Variants in PC observed in about 807,000 individuals in gnomAD.
PC encodes pyruvate carboxylase, mitochondrial.
PC carries 46 observed loss-of-function variants against 107.8 expected under a neutral mutation model. The ratio of observed to expected loss-of-function variants is 0.43; its 90% CI spans 0.34 to 0.55. The LOEUF is 0.55. Ranked by LOEUF, PC falls within the 20% of genes least tolerant of loss-of-function variation. The pLI is 0.04. For missense variants in PC, 1,241 were observed against 1,643.1 expected, an observed-to-expected ratio of 0.76 and a Z score of 4.23; for synonymous variants, 662 against 684.7, an observed-to-expected ratio of 0.97 and a Z score of 0.52.
chr11:66,878,547 G>A (rs1565254727), intron 3 of PC, among the ~76,000 whole-genome samples: 1 of 152,200 alleles, frequency 6.6e-6, no homozygotes, highest in African/African-American at 2.4e-5. Flanking sequence ...CCCCTCGGCG[G>A]CCCCTCTCAC....
chr11:66,859,955 C>T, intron 12 of PC: 5 of 1,600,648 alleles, frequency 3.1e-6, no homozygotes, highest in Non-Finnish European at 4.3e-6. Context: ...TCAGCCACGT[C>T]CAGTCCCAGA....
At position 66,858,272 on chromosome 11, in the gene PC, G is replaced by C; in HGVS notation, c.1369-4889C>G. 2 of 1,612,162 alleles carry C rather than the reference G, an allele frequency of 1.2e-6. No individual in the cohort carries two copies. The highest frequency in any genetic ancestry group is 1.7e-6 in the Non-Finnish European group (2 of 1,179,924). ...TGCCTGCCCTGCACACCCTCAACCT[G>C]GACCATAACCTTATTGACGCACTGC... On this transcript the variant is annotated intron_variant, in intron 12 of 22. Coordinates refer to ENST00000393960, the MANE Select transcript of PC (RefSeq NM_001040716.2). This position sits in a 1 kb window ranked among gnomAD's most constrained non-coding sequence, Gnocchi z 5.9.
intron 3 of PC, among the ~76,000 whole-genome samples, chr11:66,938,501 C>T (rs1330667458): frequency 6.6e-6 from 1 of 151,936 alleles, no homozygotes; most frequent in Non-Finnish European, 1.5e-5. Context: ...AGTACTCGAC[C>T]GTAAGCCCCA....
intron 3 of PC, among the ~76,000 whole-genome samples, chr11:66,903,752 GAAAAAAA>G (rs1175402409): frequency 6.6e-5 from 5 of 76,188 alleles, no homozygotes; most frequent in Admixed American, 1.6e-4. Flanking sequence ...TCCATCTCAG[GAAAAAAA>G]AAAAAAAAAA....
Position 66,958,373 on chromosome 11 carries a change from T to C in PC, c.-279A>G, listed in dbSNP as rs1338006575. 1.3e-5 allele frequency: 2 copies of C among 152,624 alleles called. No individual in the cohort carries two copies. Among genetic ancestry groups the C allele is most frequent in the Non-Finnish European group, 2.9e-5 (2 of 68,344 alleles). The allele number at this position is 152,624 out of a possible 1,614,324, so 9.5% of individuals were successfully genotyped here. A position where few individuals can be genotyped will look rare whatever the true frequency, so the allele number is the denominator to read the frequency against. ...CCGCCTCTACCGCTGCTGCCTCCACTGACAGAGAACAGCTGCGGTCTCCGT... is the reference window on the plus strand; with the variant it reads ...CCGCCTCTACCGCTGCTGCCTCCACCGACAGAGAACAGCTGCGGTCTCCGT... On this transcript the variant is annotated 5_prime_UTR_variant, in exon 1 of 23. Coordinates refer to ENST00000393960, the MANE Select transcript of PC (RefSeq NM_001040716.2).
In PC at chr11:66,852,907, G is replaced by T; in HGVS notation, c.1514-71C>A. On this transcript the variant is annotated intron_variant, in intron 13 of 22. Transcript: ENST00000393960. The surrounding 1 kb of genome is among the most constrained non-coding windows in gnomAD (Gnocchi z 4.7). ...TGAGTCGAGGGCAGCAGTGAGAGTG[G>T]CTGGGCTCAGGGACAGGGACACATC... 8.5e-7 allele frequency: 1 copy of T among 1,178,450 alleles called. No individual in the cohort carries two copies. Among genetic ancestry groups the T allele is most frequent in the Non-Finnish European group, 1.2e-6 (1 of 827,320 alleles). The allele number at this position is 1,178,450 out of a possible 1,614,324, so 73.0% of individuals were successfully genotyped here. A position where few individuals can be genotyped will look rare whatever the true frequency, so the allele number is the denominator to read the frequency against.
intron 3 of PC, among the ~76,000 whole-genome samples, chr11:66,911,840 G>A: frequency 6.6e-6 from 1 of 152,042 alleles, no homozygotes. Context: ...AGACCAGCCT[G>A]ACCAATATAG....
chr11:66,880,631 C>T (rs1489938756), intron 3 of PC, among the ~76,000 whole-genome samples: 1 of 152,256 alleles, frequency 6.6e-6, no homozygotes, highest in Non-Finnish European at 1.5e-5. Flanking sequence ...GGCACATTCC[C>T]AGCAAGTGCC....
intron 3 of PC, among the ~76,000 whole-genome samples, chr11:66,943,303 G>A (rs1353007801): frequency 1.3e-5 from 2 of 151,882 alleles, no homozygotes; most frequent in African/African-American, 4.8e-5. Context: ...AGGGGTCACG[G>A]TCAAAAGGAG....
At chr11:66,874,918 G>A (rs1317516214) in intron 3 of PC, among the ~76,000 whole-genome samples, 2 of 152,188 alleles carry the variant, frequency 1.3e-5, no homozygotes, top group Admixed American at 6.5e-5. Context: ...CCTGGATGGG[G>A]AGAAGTCGGC....
chr11:66,953,837 G>A (rs1166501345), intron 2 of PC, among the ~76,000 whole-genome samples: 1 of 152,112 alleles, frequency 6.6e-6, no homozygotes, highest in African/African-American at 2.4e-5. Flanking sequence ...GTGTTACTCT[G>A]GGCGTTATTT....
At position 66,853,505 on chromosome 11, in the gene PC, T is replaced by C; in HGVS notation, c.1369-122A>G. The C allele has an allele frequency of 6.0e-6, 7 of 1,176,424 alleles. No individual in the cohort carries two copies. In the South Asian group the frequency reaches 7.4e-5, roughly 12 times the overall value. 72.9% of individuals were successfully genotyped at this position (1,176,424 alleles called of 1,614,324 possible). A position where few individuals can be genotyped will look rare whatever the true frequency, so the allele number is the denominator to read the frequency against. ...CCTGGGCCAGCACAGCTTCTGGGCC[T>C]CCCTGCAGAGGGGCACTTCCCCGTC... On this transcript the variant is annotated intron_variant, in intron 12 of 22. Transcript: ENST00000393960.
At chr11:66,851,406 G>C (rs1371744249) in intron 16 of PC, 126 bp from the exon 17 acceptor site, 5 of 1,410,966 alleles carry the variant, frequency 3.5e-6, no homozygotes, top group Middle Eastern at 1.9e-4. Context: ...GCCTGGCAGG[G>C]GGTGTGGCAT....
chr11:66,859,344 G>A (rs952165904), intron 12 of PC, among the ~76,000 whole-genome samples: 7 of 152,148 alleles, frequency 4.6e-5, no homozygotes, highest in Non-Finnish European at 7.4e-5. Flanking sequence ...AGGCCTCCCC[G>A]GCAGCAGGTG....
chr11:66,927,302 A>C (rs559628839), intron 3 of PC, among the ~76,000 whole-genome samples: 1 of 149,118 alleles, frequency 6.7e-6, no homozygotes, highest in Non-Finnish European at 1.5e-5. Context: ...ATGACTCTAG[A>C]GCTCGACTCC....
intron 3 of PC, among the ~76,000 whole-genome samples, chr11:66,885,827 C>T (rs1275656895): frequency 1.3e-5 from 2 of 152,154 alleles, no homozygotes; most frequent in Non-Finnish European, 1.5e-5. Context: ...AAGAAGTCAC[C>T]GTTGTTTTCA....
chr11:66,921,240 A>G (rs1168125365), intron 3 of PC, among the ~76,000 whole-genome samples: 4 of 152,158 alleles, frequency 2.6e-5, no homozygotes, highest in Non-Finnish European at 1.5e-5. Context: ...TGCTAAAAAC[A>G]CTTCTCCTTT....
intron 3 of PC, among the ~76,000 whole-genome samples, chr11:66,886,795 T>C (rs1947382082): frequency 6.6e-6 from 1 of 152,158 alleles, no homozygotes. Flanking sequence ...AACAGACAGC[T>C]AGACAGTGAG....
chr11:66,948,778 T>G (rs1427588196), intron 3 of PC, among the ~76,000 whole-genome samples: 1 of 151,998 alleles, frequency 6.6e-6, no homozygotes, highest in East Asian at 1.9e-4. Context: ...AGGTAGAGGT[T>G]GCAGTGAGCT....
Sources: allele counts gnomAD v4.1 joint callset (sites outside exome capture counted in the v4.1 genomes callset), GRCh38; gene constraint gnomAD v4.1.1; non-coding constraint Gnocchi (gnomAD v3.1); transcripts MANE v1.5; gene names NCBI Gene and HGNC (gene_info 2026-07-23, HGNC 2026-07-21).